ERICH3: variants seen among roughly 807,000 people sequenced by gnomAD.
ERICH3 encodes the protein glutamate-rich protein 3.
ERICH3 carries 126 observed loss-of-function variants against 131.1 expected under a neutral mutation model. That is an observed-to-expected ratio of 0.96 (90% CI 0.83 to 1.11). The LOEUF (loss-of-function observed/expected upper bound fraction) is 1.11. ERICH3 is among the 50% of genes most tolerant of loss of function. The pLI, the probability that ERICH3 is intolerant of heterozygous loss-of-function variation, is 0.00. For missense variants in ERICH3, 2,050 were observed against 1,810.7 expected, an observed-to-expected ratio of 1.13 and a Z score of -2.40; for synonymous variants, 695 against 644.6, an observed-to-expected ratio of 1.08 and a Z score of -1.18.
intron 11 of ERICH3, 119 bp from the exon 12 acceptor site, chr1:74,590,199 T>C (rs1647524217): frequency 4.5e-6 from 4 of 883,224 alleles, no homozygotes; most frequent in Non-Finnish European, 6.6e-6. Flanking sequence ...AATATAGACC[T>C]GATATCCTTT....
At chr1:74,647,639 G>A (rs534088377) in intron 2 of ERICH3, among the ~76,000 whole-genome samples, 23 of 152,074 alleles carry the variant, frequency 1.5e-4, no homozygotes, top group African/African-American at 5.1e-4. Flanking sequence ...CCCTGTAAAC[G>A]AAGAGTGTTA....
chr1:74,611,084 G>A (rs376190637), intron 9 of ERICH3, among the ~76,000 whole-genome samples: 43 of 151,980 alleles, frequency 2.8e-4, no homozygotes, highest in Middle Eastern at 3.4e-3. Context: ...TCATCTATAT[G>A]CAAACCATTC....
chr1:74,651,357 C>A, intron 1 of ERICH3, among the ~76,000 whole-genome samples: 1 of 152,080 alleles, frequency 6.6e-6, no homozygotes. Context: ...GACATATGAA[C>A]AACTGCAAAA....
intron 1 of ERICH3, among the ~76,000 whole-genome samples, chr1:74,650,818 G>A (rs1337387497): frequency 2.7e-5 from 4 of 150,280 alleles, no homozygotes; most frequent in African/African-American, 9.8e-5. Context: ...GTGAAATCAC[G>A]GATAAGAGGG....
chr1:74,612,211 G>T (rs1456128913), intron 9 of ERICH3, among the ~76,000 whole-genome samples: 1 of 152,154 alleles, frequency 6.6e-6, no homozygotes, highest in Admixed American at 6.6e-5. Flanking sequence ...AAAATGTCCA[G>T]TCATGTAAAT....
rs576542693 is a variant in ERICH3, at chr1:74,640,661, A to C, written c.444+670T>G. On this transcript the variant is annotated intron_variant, in intron 5 of 14. Transcript: ENST00000326665. Reference sequence around the variant, plus strand: ...ATTTCAAGGTACTTTACCTTCCCTCAAGCAAACACCACTTTTAGATTAGAA... The same window carrying C: ...ATTTCAAGGTACTTTACCTTCCCTCCAGCAAACACCACTTTTAGATTAGAA... Among the ~76,000 whole-genome samples, 348 of 152,282 alleles carry C rather than the reference A, an allele frequency of 2.3e-3. 3 individuals are homozygous for C. Among genetic ancestry groups the C allele is most frequent in the African/African-American group, 7.9e-3 (327 of 41,584 alleles).
intron 12 of ERICH3, among the ~76,000 whole-genome samples, chr1:74,577,885 A>G (rs1647097465): frequency 6.6e-6 from 1 of 152,256 alleles, no homozygotes; most frequent in South Asian, 2.1e-4. Flanking sequence ...TAAAACTACT[A>G]GAGCTGACTA....
Position 74,571,970 on chromosome 1 carries a change from T to G in ERICH3, c.3740A>C (p.Asp1247Ala), listed in dbSNP as rs776149547. The change falls in exon 14 of 15, where the codon GAT (aspartate) becomes GCT (alanine). Residue 1247 changes from aspartate (D) to alanine (A), a missense_variant. Physicochemically the swap from Asp to Ala is moderately radical, Grantham distance 126. Transcript: ENST00000326665. ...TGQAEELAAK[D>A]HDSCAGLEGR... ...CTCCAGTCCTGCGCAGGAGTCGTGA[T>G]CTTTGGCTGCTAGCTCCTCTGCCTG... 1 of 1,613,848 alleles carries G rather than the reference T, an allele frequency of 6.2e-7. No homozygotes were observed. Among genetic ancestry groups the G allele is most frequent in the South Asian group, 1.1e-5 (1 of 91,084 alleles).
chr1:74,575,257 G>A (rs1557661580), intron 13 of ERICH3, among the ~76,000 whole-genome samples: 1 of 152,186 alleles, frequency 6.6e-6, no homozygotes, highest in Non-Finnish European at 1.5e-5. Context: ...AGCATTTTGA[G>A]GTAAAGCAAT....
chr1:74,631,671 T>C (rs1557692151), intron 7 of ERICH3, 42 bp downstream of exon 7: 12 of 1,496,692 alleles, frequency 8.0e-6, no homozygotes, highest in Non-Finnish European at 1.1e-5. Context: ...TGCAATGTAA[T>C]CTGAGATAAA....
intron 1 of ERICH3, among the ~76,000 whole-genome samples, chr1:74,672,586 C>T (rs758900443): frequency 2.6e-5 from 4 of 152,102 alleles, no homozygotes; most frequent in Non-Finnish European, 5.9e-5. Flanking sequence ...AATATGTTGT[C>T]CTCTGCTAAT....
intron 12 of ERICH3, among the ~76,000 whole-genome samples, chr1:74,582,018 T>C (rs1411227869): frequency 2.6e-5 from 4 of 152,162 alleles, no homozygotes; most frequent in African/African-American, 7.2e-5. Context: ...GCTACTCTAG[T>C]CTTGACATTG....
intron 12 of ERICH3, among the ~76,000 whole-genome samples, chr1:74,587,487 A>G (rs919591438): frequency 6.6e-6 from 1 of 152,150 alleles, no homozygotes; most frequent in African/African-American, 2.4e-5. Flanking sequence ...GAGAAAATTA[A>G]TAAGCCAATA....
chr1:74,626,404 T>C (rs184142697), intron 7 of ERICH3, among the ~76,000 whole-genome samples: 1 of 152,310 alleles, frequency 6.6e-6, no homozygotes, highest in African/African-American at 2.4e-5. Context: ...ATTTGGTACC[T>C]AGGAGGTAGA....
chr1:74,668,406 T>C (rs553154470), intron 1 of ERICH3, among the ~76,000 whole-genome samples: 47 of 152,324 alleles, frequency 3.1e-4, no homozygotes, highest in African/African-American at 1.1e-3. Context: ...CAGGTATTGA[T>C]ACAACAAATG....
chr1:74,672,308 A>G (rs1646749548), intron 1 of ERICH3, among the ~76,000 whole-genome samples: 2 of 152,238 alleles, frequency 1.3e-5, no homozygotes, highest in Admixed American at 6.5e-5. Context: ...ACAGGAGTTC[A>G]GCATCAAAAT....
At chr1:74,662,592 T>C (rs1363823662) in intron 1 of ERICH3, among the ~76,000 whole-genome samples, 3 of 152,176 alleles carry the variant, frequency 2.0e-5, no homozygotes, top group African/African-American at 7.2e-5. Context: ...TAATTTGGTA[T>C]GTACAGTTAG....
rs1221819448 is a variant in ERICH3, at chr1:74,572,836, G to A, written c.2874C>T (p.Pro958=). Residue 958 remains proline, a synonymous_variant, in exon 14 of 15, where the codon CCC becomes CCT. Transcript: ENST00000326665. Reference sequence around the variant, plus strand: ...CTCTCTTTGATGCTGTGTCCTCCATGGGTCCTGTGTCCTCTAGGTCTATGG... The same window carrying A: ...CTCTCTTTGATGCTGTGTCCTCCATAGGTCCTGTGTCCTCTAGGTCTATGG... ...EASIDLEDTG[P]MEDTASKRED... 6.2e-7 allele frequency: 1 copy of A among 1,613,666 alleles called. No individual in the cohort carries two copies. The highest frequency in any genetic ancestry group is 8.5e-7 in the Non-Finnish European group (1 of 1,180,000).
chr1:74,641,194 A>G, intron 5 of ERICH3, 137 bp downstream of exon 5: 14 of 975,678 alleles, frequency 1.4e-5, no homozygotes, highest in Non-Finnish European at 2.1e-5. Flanking sequence ...AGTTGAACAG[A>G]TATAAGACTA....
Sources: gnomAD v4.1 joint callset for allele counts (sites outside exome capture counted in the v4.1 genomes callset) on GRCh38, gnomAD v4.1.1 for gene constraint, MANE v1.5 for transcripts, NCBI Gene and HGNC (gene_info 2026-07-23, HGNC 2026-07-21) for gene names.